TTC7B: variants seen among roughly 807,000 people sequenced by gnomAD.
TTC7B encodes the protein tetratricopeptide repeat domain 7B.
TTC7B carries 28 observed loss-of-function variants against 106.8 expected under a neutral mutation model. The ratio of observed to expected loss-of-function variants is 0.26; its 90% CI spans 0.19 to 0.36. The LOEUF (loss-of-function observed/expected upper bound fraction) is 0.36. Among genes scored for constraint, TTC7B ranks in the 10% least tolerant of loss-of-function variants. The probability of loss-of-function intolerance (pLI) is 1.00; values close to 1 mark genes in which losing one functional copy is unlikely to be tolerated. For synonymous variants in TTC7B, 405 were observed against 430.6 expected (o/e 0.94, Z 0.74); for missense variants, 862 against 1,076.4 (o/e 0.80, Z 2.79).
chr14:90,726,806 C>T (rs1465855784), intron 5 of TTC7B, among the ~76,000 whole-genome samples: 1 of 152,186 alleles, frequency 6.6e-6, no homozygotes, highest in Non-Finnish European at 1.5e-5. Flanking sequence ...TCACCCTCTG[C>T]GGAGCCTCAA....
At position 90,759,268 on chromosome 14, in the gene TTC7B, A is replaced by G. The variant is rs866987683; in HGVS notation, c.446-14346T>C. ...CTTTCCAAATATGGATGCTTTTTGC[A>G]TTCCCAAAGCATCACGAACATTTGG... On this transcript the variant is annotated intron_variant, in intron 3 of 19. Transcript: ENST00000328459. The surrounding 1 kb of genome is among the most constrained non-coding windows in gnomAD (Gnocchi z 4.1). Among the ~76,000 whole-genome samples, 3 of 152,176 alleles carry G rather than the reference A, an allele frequency of 2.0e-5. No individual in the cohort carries two copies. Among genetic ancestry groups the G allele is most frequent in the Non-Finnish European group, 4.4e-5 (3 of 68,030 alleles).
chr14:90,665,837 G>C (rs149724758), intron 9 of TTC7B, among the ~76,000 whole-genome samples: 302 of 152,274 alleles, frequency 2.0e-3, no homozygotes, highest in East Asian at 0.017. Context: ...TATACTTCAC[G>C]AGTCAGTTAA....
rs1050126031 is a variant in TTC7B at position 90,541,240 on chromosome 14, G to C, written c.*128C>G. On this transcript the variant is annotated 3_prime_UTR_variant, in exon 20 of 20. Coordinates refer to ENST00000328459, the MANE Select transcript of TTC7B (RefSeq NM_001010854.2). ...TCGGGGTTGGTTTGGTTGGTTCACTGTGGCCCACTGAACACTCGTCCCTGG... is the reference window on the plus strand; with the variant it reads ...TCGGGGTTGGTTTGGTTGGTTCACTCTGGCCCACTGAACACTCGTCCCTGG... 6 of 846,854 alleles carry C rather than the reference G, an allele frequency of 7.1e-6. No homozygotes were observed. The Admixed American group carries it at 1.5e-4, about 21-fold the overall frequency. 52.5% of individuals were successfully genotyped at this position (846,854 alleles called of 1,614,324 possible). A position where few individuals can be genotyped will look rare whatever the true frequency, so the allele number is the denominator to read the frequency against.
intron 15 of TTC7B, among the ~76,000 whole-genome samples, chr14:90,642,310 A>G (rs1885214612): frequency 6.6e-6 from 1 of 152,240 alleles, no homozygotes; most frequent in African/African-American, 2.4e-5. Context: ...TTGAAGACAA[A>G]GAAATGTTTG....
chr14:90,714,403 G>A (rs1046066473), intron 5 of TTC7B, among the ~76,000 whole-genome samples: 3 of 151,980 alleles, frequency 2.0e-5, no homozygotes, highest in African/African-American at 7.3e-5. Flanking sequence ...AACTTTTCGA[G>A]CTAAAGGGAA....
chr14:90,709,716 T>A (rs1457405216), intron 5 of TTC7B, among the ~76,000 whole-genome samples: 1 of 151,544 alleles, frequency 6.6e-6, no homozygotes. Context: ...TTTCTCAACC[T>A]GAAAAAAAAG....
chr14:90,698,459 C>T (rs1019360437), intron 5 of TTC7B: 1 of 152,202 alleles, frequency 6.6e-6, no homozygotes, highest in Non-Finnish European at 1.5e-5. Context: ...CAAGGAATCT[C>T]CCAATCTCCC....
intron 18 of TTC7B, among the ~76,000 whole-genome samples, chr14:90,587,299 A>G (rs908760770): frequency 6.6e-6 from 1 of 152,172 alleles, no homozygotes; most frequent in Non-Finnish European, 1.5e-5. Flanking sequence ...TAGCTTTCCA[A>G]TGATTTTAGG....
At chr14:90,673,912 T>C (rs898104221) in intron 9 of TTC7B, among the ~76,000 whole-genome samples, 1 of 152,114 alleles carries the variant, frequency 6.6e-6, no homozygotes, top group East Asian at 1.9e-4. Flanking sequence ...AGCAGATTAA[T>C]AGTTGACAGG....
chr14:90,799,653 G>A (rs928543453), intron 1 of TTC7B, among the ~76,000 whole-genome samples: 5 of 152,134 alleles, frequency 3.3e-5, no homozygotes, highest in African/African-American at 1.2e-4. Flanking sequence ...GAGCTGGTGT[G>A]TTCCAGGAAC....
chr14:90,563,463 A>G (rs1890669738), intron 19 of TTC7B, among the ~76,000 whole-genome samples: 1 of 152,244 alleles, frequency 6.6e-6, no homozygotes, highest in African/African-American at 2.4e-5. Context: ...AAATGTTAAC[A>G]ATCATGTGAC....
At chr14:90,771,595 G>A (rs564717589) in intron 3 of TTC7B, among the ~76,000 whole-genome samples, 101 of 151,774 alleles carry the variant, frequency 6.7e-4, no homozygotes, top group African/African-American at 2.3e-3. Flanking sequence ...GCAAGACCCC[G>A]TCTCAAAAAA....
Position 90,759,346 on chromosome 14 carries a change from G to C in TTC7B, c.446-14424C>G, listed in dbSNP as rs1286850557. Among the ~76,000 whole-genome samples, 1 of 152,156 alleles carries C rather than the reference G, an allele frequency of 6.6e-6. No homozygotes were observed. ...TTGGAAACGATGGAAGCCAAGGGAT[G>C]GGTGGTGACGGAACAAGCACCGTAC... On this transcript the variant is annotated intron_variant, in intron 3 of 19. Transcript: ENST00000328459. This position sits in a 1 kb window ranked among gnomAD's most constrained non-coding sequence, Gnocchi z 4.1.
Position 90,652,849 on chromosome 14 carries a change from T to C in TTC7B, c.1509A>G (p.Ala503=), listed in dbSNP as rs751747194. 3.7e-6 allele frequency: 6 copies of C among 1,614,224 alleles called. No individual in the cohort carries two copies. The Admixed American group carries it at 5.0e-5, about 13-fold the overall frequency. Reference sequence around the variant, plus strand: ...GATGAACTCCCACTCACCTCTGAAATGCAAGAAGCGCCTTTCTCTGTAGGA... The same window carrying C: ...GATGAACTCCCACTCACCTCTGAAACGCAAGAAGCGCCTTTCTCTGTAGGA... ...QEVLQRKALL[A]FQRAHSLSPT... is the part of the protein sequence containing the mutation. The change falls in exon 13 of 20, where the codon GCA becomes GCG. Residue 503 remains alanine (A), a synonymous_variant. Transcript: ENST00000328459.
chr14:90,773,049 T>G (rs1458442791), intron 3 of TTC7B: 1 of 152,248 alleles, frequency 6.6e-6, no homozygotes, highest in Non-Finnish European at 1.5e-5. Flanking sequence ...GAAGTATTGC[T>G]GGCTAGCTCA....
chr14:90,732,904 A>C (rs779627467), intron 4 of TTC7B, among the ~76,000 whole-genome samples: 9 of 152,092 alleles, frequency 5.9e-5, no homozygotes, highest in Admixed American at 1.3e-4. Context: ...CTTTTCTAAC[A>C]ATCGGCATTA....
At chr14:90,591,806 C>T (rs2139819963) in intron 18 of TTC7B, among the ~76,000 whole-genome samples, 1 of 152,340 alleles carries the variant, frequency 6.6e-6, no homozygotes, top group South Asian at 2.1e-4. Context: ...CTAGGACAGC[C>T]ATCAGAGTTC....
Position 90,570,936 on chromosome 14 carries a change from A to T in TTC7B, c.2310+7170T>A, listed in dbSNP as rs1891009456. Among the ~76,000 whole-genome samples, 1 of 152,332 alleles carries T rather than the reference A, an allele frequency of 6.6e-6. No individual in the cohort carries two copies. The highest frequency in any genetic ancestry group is 2.1e-4 in the South Asian group (1 of 4,816). On this transcript the variant is annotated intron_variant, in intron 19 of 19. Transcript: ENST00000328459. This position sits in a 1 kb window ranked among gnomAD's most constrained non-coding sequence, Gnocchi z 4.0. ...AGCGACACAGCTGGGACTGGAACCC[A>T]GGCAGCTGGCGCCAGCACCGTGCTC...
intron 19 of TTC7B, among the ~76,000 whole-genome samples, chr14:90,562,395 G>T (rs937433350): frequency 1.3e-5 from 2 of 152,186 alleles, no homozygotes; most frequent in African/African-American, 4.8e-5. Context: ...GTTATGACAA[G>T]CTGAGTCCAG....
Sources: allele counts gnomAD v4.1 joint callset (sites outside exome capture counted in the v4.1 genomes callset), GRCh38; gene constraint gnomAD v4.1.1; non-coding constraint Gnocchi (gnomAD v3.1); transcripts MANE v1.5; gene names NCBI Gene and HGNC (gene_info 2026-07-23, HGNC 2026-07-21).